The following CTSL variants were observed in gnomAD, a reference collection of about 807,000 sequenced individuals.
CTSL encodes procathepsin L.
A neutral mutation model predicts 34.7 loss-of-function variants in CTSL; 23 were observed. That is an observed-to-expected ratio of 0.66 (90% confidence interval 0.48 to 0.94). The LOEUF is 0.94. CTSL is among the 40% of genes least tolerant of loss of function. The pLI is 0.00. For synonymous variants in CTSL, 129 were observed against 136.7 expected (o/e 0.94, Z 0.39); for missense variants, 361 against 406.3 (o/e 0.89, Z 0.96).
In CTSL at chr9:87,728,551, TGTGGATGACAGC is replaced by T. The variant is rs1235155805; in HGVS notation, c.397-33_397-22del. The stretch of plus-strand genomic sequence containing the variant: ...TGTCAAAGTCTTATTATTTTTTTTT[TGTGGATGACAGC>T]TTTTTTTAATTCCCTTTTCAGGGTC... On this transcript the variant is annotated intron_variant, in intron 4 of 7. Coordinates refer to ENST00000343150, the MANE Select transcript of CTSL (RefSeq NM_001912.5). 3.8e-6 allele frequency: 6 copies of T among 1,589,756 alleles called. No homozygotes were observed. In the Admixed American group the frequency reaches 5.6e-5, roughly 15 times the overall value.
At position 87,728,284 on chromosome 9, in the gene CTSL, T is replaced by G. The variant is rs1282915717; in HGVS notation, c.284T>G (p.Phe95Cys). The change falls in exon 4 of 8, where the codon TTT becomes TGT. Residue 95 changes from phenylalanine to cysteine, a missense_variant. Phe to Cys is a radical substitution (Grantham distance 205). Coordinates refer to ENST00000343150, the MANE Select transcript of CTSL (RefSeq NM_001912.5). Reference protein sequence around the residue: ...SEEFRQVMNGFQNRKPRKGKV... With the variant: ...SEEFRQVMNGCQNRKPRKGKV... ...GAATTCAGGCAGGTGATGAATGGCT[T>G]TCAAAACCGTAAGCCCAGGAAGGGG... 6.2e-7 allele frequency: 1 copy of G among 1,614,062 alleles called. No homozygotes were observed. The highest frequency in any genetic ancestry group is 1.3e-5 in the African/African-American group (1 of 74,926).
At chr9:87,730,969 T>C in intron 7 of CTSL, 39 bp from the exon 8 acceptor site, 1 of 1,572,580 alleles carries the variant, frequency 6.4e-7, no homozygotes, top group South Asian at 1.1e-5. Context: ...CTTTGGGCTT[T>C]ATTCTTTCTC....
chr9:87,728,637 A>G lies in CTSL; in HGVS notation c.449A>G (p.Gln150Arg). The G allele has an allele frequency of 6.2e-7, 1 of 1,614,106 alleles. No homozygotes were observed. Among genetic ancestry groups the G allele is most frequent in the East Asian group, 2.2e-5 (1 of 44,872 alleles). Residue 150 changes from glutamine (Q) to arginine (R), a missense_variant, in exon 5 of 8, where the codon CAG becomes CGG. Coordinates refer to ENST00000343150, the MANE Select transcript of CTSL (RefSeq NM_001912.5). ...AGTGCTACTGGTGCTCTTGAAGGAC[A>G]GATGTTCCGGAAAACTGGGAGGCTT... ...AFSATGALEG[Q>R]MFRKTGRLIS...
chr9:87,727,805 G>A (rs1422379171), intron 2 of CTSL, 76 bp downstream of exon 2: 5 of 1,557,546 alleles, frequency 3.2e-6, no homozygotes, highest in African/African-American at 2.7e-5. Context: ...CTAGAGGCCA[G>A]CTTTTACCAA....
At chr9:87,730,894 G>C (rs1196717352) in intron 7 of CTSL, 114 bp from the exon 8 acceptor site, 2 of 782,386 alleles carry the variant, frequency 2.6e-6, no homozygotes, top group Non-Finnish European at 4.1e-6. Context: ...TGCCTGTCCT[G>C]ATTCTTTCTG....
Position 87,731,368 on chromosome 9 carries a change from TTAAA to T in CTSL, c.*266_*269del, listed in dbSNP as rs758620277. 2.8e-5 allele frequency: 8 copies of T among 284,432 alleles called. No individual in the cohort carries two copies. The highest frequency in any genetic ancestry group is 4.5e-5 in the Non-Finnish European group (7 of 154,138). The allele number at this position is 284,432 out of a possible 1,614,324, so 17.6% of individuals were successfully genotyped here. ...AAAGGATGTATAAATTTTTACCTGT[TTAAA>T]TAAAATTTAATTTCAAATGTAGTGG... is the stretch of plus-strand genomic sequence containing the variant. On this transcript the variant is annotated 3_prime_UTR_variant, in exon 8 of 8. Coordinates refer to ENST00000343150, the MANE Select transcript of CTSL (RefSeq NM_001912.5).
chr9:87,728,093 G>T lies in CTSL; in HGVS notation c.193G>T (p.Glu65Ter). The change falls in exon 3 of 8, where the codon GAA (glutamate) becomes TAA (stop). Residue 65 changes from glutamate to a stop codon, truncating the protein, a stop_gained. Coordinates refer to ENST00000343150, the MANE Select transcript of CTSL (RefSeq NM_001912.5). LOFTEE classifies it high-confidence loss of function. Reference protein sequence around the residue: ...NMKMIELHNQEYREGKHSFTM... With the variant: ...NMKMIELHNQ Reference sequence around the variant, plus strand: ...GAAGATGATTGAACTGCACAATCAGGAATACAGGGAAGGGAAACACAGCTT... The same window carrying T: ...GAAGATGATTGAACTGCACAATCAGTAATACAGGGAAGGGAAACACAGCTT... The T allele has an allele frequency of 1.2e-6, 2 of 1,614,090 alleles. No individual in the cohort carries two copies. The highest frequency in any genetic ancestry group is 1.7e-6 in the Non-Finnish European group (2 of 1,179,954).
rs71507737 is a variant in CTSL, at chr9:87,727,041, A to AAAATAAATAAAT, written c.-10-523_-10-512dup. On this transcript the variant is annotated intron_variant, in intron 1 of 7. Coordinates refer to ENST00000343150, the MANE Select transcript of CTSL (RefSeq NM_001912.5). ...GCCACAGAGCAAGACTCCATCTCAA[A>AAAATAAATAAAT]AAATAAATAAATAAATAAATAAATA... Among the ~76,000 whole-genome samples the AAAATAAATAAAT allele has an allele frequency of 6.6e-3, 956 of 144,876 alleles. 2 individuals carry two copies. Among genetic ancestry groups the AAAATAAATAAAT allele is most frequent in the Non-Finnish European group, 9.7e-3 (640 of 66,192 alleles).
chr9:87,728,483 A>G, intron 4 of CTSL, 87 bp downstream of exon 4: 3 of 1,570,670 alleles, frequency 1.9e-6, no homozygotes, highest in Non-Finnish European at 2.6e-6. Flanking sequence ...CTTTAAAGTG[A>G]TGTACAGTTC....
At position 87,728,624 on chromosome 9, in the gene CTSL, G is replaced by A; in HGVS notation, c.436G>A (p.Ala146Thr). 4 of 1,614,000 alleles carry A rather than the reference G, an allele frequency of 2.5e-6. No individual in the cohort carries two copies. Among genetic ancestry groups the A allele is most frequent in the South Asian group, 1.1e-5 (1 of 91,076 alleles). The change falls in exon 5 of 8, where the codon GCT becomes ACT. Residue 146 changes from alanine to threonine, a missense_variant. Coordinates refer to ENST00000343150, the MANE Select transcript of CTSL (RefSeq NM_001912.5). ...TTGTTGGGCTTTTAGTGCTACTGGT[G>A]CTCTTGAAGGACAGATGTTCCGGAA... is the stretch of plus-strand genomic sequence containing the variant. ...GSCWAFSATG[A>T]LEGQMFRKTG...
intron 7 of CTSL, 40 bp downstream of exon 7, chr9:87,730,538 G>A: frequency 7.2e-7 from 1 of 1,392,364 alleles, no homozygotes; most frequent in Non-Finnish European, 1.0e-6. Context: ...AAATTCAAAA[G>A]AGAATACTTA....
rs1261826258 is a variant in CTSL at position 87,729,812 on chromosome 9, G to A, written c.784+77G>A. 20 of 1,445,746 alleles carry A rather than the reference G, an allele frequency of 1.4e-5. No homozygotes were observed. In the African/African-American group the frequency reaches 1.8e-4, roughly 13 times the overall value. The allele number at this position is 1,445,746 out of a possible 1,614,324, so 89.6% of individuals were successfully genotyped here. A position where few individuals can be genotyped will look rare whatever the true frequency, so the allele number is the denominator to read the frequency against. ...ATACGAGCATGATAGACTCTGGTTT[G>A]CAAGTAAAGTTCAGTGTAGATATTT... On this transcript the variant is annotated intron_variant, in intron 6 of 7. Transcript: ENST00000343150.
Position 87,728,389 on chromosome 9 carries a change from A to G in CTSL, c.389A>G (p.Lys130Arg). 4 of 1,613,778 alleles carry G rather than the reference A, an allele frequency of 2.5e-6. No homozygotes were observed. The highest frequency in any genetic ancestry group is 3.4e-6 in the Non-Finnish European group (4 of 1,179,922). The part of the protein sequence containing the change: ...WREKGYVTPV[K>R]NQGQCGSCWA... ...GAGAAAGGCTACGTGACTCCTGTGA[A>G]GAATCAGGTGAGACAGTGTCAGGTT... The change falls in exon 4 of 8, where the codon AAG (lysine) becomes AGG (arginine). Residue 130 changes from lysine to arginine, a missense_variant. Lys to Arg is a conservative substitution (Grantham distance 26, BLOSUM62 2). Transcript: ENST00000343150.
intron 1 of CTSL, among the ~76,000 whole-genome samples, chr9:87,726,974 G>C (rs987889653): frequency 3.3e-5 from 5 of 152,088 alleles, no homozygotes; most frequent in African/African-American, 1.2e-4. Flanking sequence ...GGGAGGCAGA[G>C]GTTGCTGTGA....
chr9:87,728,885 T>G (rs941971166), intron 5 of CTSL, 76 bp downstream of exon 5: 1 of 1,599,782 alleles, frequency 6.3e-7, no homozygotes, highest in African/African-American at 1.3e-5. Context: ...AGATACCTTT[T>G]TCGGAATTCA....
Position 87,729,704 on chromosome 9 carries a change from A to G in CTSL, c.753A>G (p.Ala251=), listed in dbSNP as rs1826182186. The change falls in exon 6 of 8, where the codon GCA becomes GCG. Residue 251 remains alanine (A), a synonymous_variant. Transcript: ENST00000343150. ...TVGPISVAID[A]GHESFLFYKE... is the part of the protein sequence containing the mutation. ...GGCCCATTTCTGTTGCTATTGATGC[A>G]GGTCATGAGTCCTTCCTGTTCTATA... is the stretch of plus-strand genomic sequence containing the variant. 14 of 1,613,346 alleles carry G rather than the reference A, an allele frequency of 8.7e-6. No individual in the cohort carries two copies. Among genetic ancestry groups the G allele is most frequent in the Non-Finnish European group, 1.1e-5 (13 of 1,179,786 alleles).
chr9:87,730,769 TC>T (rs796080417), intron 7 of CTSL, among the ~76,000 whole-genome samples: 4 of 152,356 alleles, frequency 2.6e-5, no homozygotes, highest in African/African-American at 9.6e-5. Flanking sequence ...TGCAAAGACA[TC>T]CTATTGTTTT....
At position 87,728,161 on chromosome 9, in the gene CTSL, G is replaced by A; in HGVS notation, c.249+12G>A. ...CCTTTGGAGACATGGTAAGTGTGCT[G>A]TGGACTGCCGAGCTCTGTGCTTCCT... is the stretch of plus-strand genomic sequence containing the variant. On this transcript the variant is annotated intron_variant, in intron 3 of 7. Coordinates refer to ENST00000343150, the MANE Select transcript of CTSL (RefSeq NM_001912.5). 6.2e-7 allele frequency: 1 copy of A among 1,614,236 alleles called. No homozygotes were observed. Among genetic ancestry groups the A allele is most frequent in the Non-Finnish European group, 8.5e-7 (1 of 1,180,042 alleles).
At chr9:87,729,332 T>C (rs1317389034) in intron 5 of CTSL, among the ~76,000 whole-genome samples, 2 of 152,264 alleles carry the variant, frequency 1.3e-5, no homozygotes, top group South Asian at 2.1e-4. Flanking sequence ...ATTCTAAATA[T>C]ACACATTTCT....
Sources: allele counts gnomAD v4.1 joint callset (sites outside exome capture counted in the v4.1 genomes callset), GRCh38; gene constraint gnomAD v4.1.1; transcripts MANE v1.5; gene names NCBI Gene and HGNC (gene_info 2026-07-23, HGNC 2026-07-21).